Variants in NCAM1 observed in about 807,000 individuals in gnomAD.
NCAM1 encodes the protein antigen recognized by monoclonal antibody 5.1H11.
NCAM1 carries 14 observed loss-of-function variants against 109.8 expected under a neutral mutation model. The ratio of observed to expected loss-of-function variants is 0.13; its 90% CI spans 0.08 to 0.20. NCAM1 has a LOEUF of 0.20. NCAM1 is among the 10% of genes least tolerant of loss of function. The pLI is 1.00. For missense variants in NCAM1, 774 were observed against 1,109.9 expected (o/e 0.70, Z 4.30); for synonymous variants, 418 against 442.9 (o/e 0.94, Z 0.70).
intron 1 of NCAM1, among the ~76,000 whole-genome samples, chr11:113,122,611 C>G (rs1565449088): frequency 6.6e-6 from 1 of 152,028 alleles, no homozygotes; most frequent in Non-Finnish European, 1.5e-5. Flanking sequence ...TGTAGAAACC[C>G]CATCTCTACT....
chr11:113,081,347 G>A (rs974697866), intron 1 of NCAM1, among the ~76,000 whole-genome samples: 1 of 152,046 alleles, frequency 6.6e-6, no homozygotes, highest in African/African-American at 2.4e-5. Flanking sequence ...TATGGCGGAC[G>A]GTTCCCCGGT....
rs1591473405 is a variant in NCAM1, at chr11:113,266,682, C to G, written c.2132-3506C>G. On this transcript the variant is annotated intron_variant, in intron 17 of 19. Coordinates refer to ENST00000316851, the MANE Select transcript of NCAM1 (RefSeq NM_181351.5). ...CAGATTCTGAATTGTTAACAAACAC[C>G]CTAGGAATTTGCTACAGGTGGAGAT... Among the ~76,000 whole-genome samples the G allele has an allele frequency of 2.6e-5, 4 of 152,168 alleles. No homozygotes were observed. In the South Asian group the frequency reaches 6.2e-4, roughly 24 times the overall value.
At chr11:113,227,593 T>G (rs1944888759) in intron 9 of NCAM1, among the ~76,000 whole-genome samples, 1 of 152,190 alleles carries the variant, frequency 6.6e-6, no homozygotes, top group Non-Finnish European at 1.5e-5. Flanking sequence ...GAGGCCAGCA[T>G]CATCCTGATA....
intron 17 of NCAM1, chr11:113,264,770 C>G (rs1483809283): frequency 3.0e-6 from 3 of 985,364 alleles, no homozygotes; most frequent in Non-Finnish European, 2.4e-6. Context: ...CAGGGTCAGG[C>G]AGGCCTCAGC....
intron 1 of NCAM1, among the ~76,000 whole-genome samples, chr11:112,983,186 C>G (rs1555069040): frequency 6.6e-6 from 1 of 151,968 alleles, no homozygotes; most frequent in Admixed American, 6.6e-5. Flanking sequence ...CACTCTGTCT[C>G]AGTTTTAATG....
At chr11:113,153,979 T>C (rs1245325100) in intron 1 of NCAM1, among the ~76,000 whole-genome samples, 2 of 152,262 alleles carry the variant, frequency 1.3e-5, no homozygotes, top group African/African-American at 4.8e-5. Flanking sequence ...GCTTCTACCA[T>C]GTGCTTGGAT....
chr11:113,232,121 G>C (rs1189629647), intron 10 of NCAM1, 49 bp from the exon 11 acceptor site: 2 of 1,501,960 alleles, frequency 1.3e-6, no homozygotes, highest in South Asian at 1.3e-5. Flanking sequence ...GGATATGGGG[G>C]CTTCATAATC....
intron 1 of NCAM1, among the ~76,000 whole-genome samples, chr11:113,160,007 T>C (rs1227250353): frequency 6.6e-6 from 1 of 152,110 alleles, no homozygotes; most frequent in Non-Finnish European, 1.5e-5. Context: ...TGTTCATTAC[T>C]GTATGTAGCT....
At chr11:113,231,862 A>G in intron 10 of NCAM1, 67 bp downstream of exon 10, 3 of 1,587,416 alleles carry the variant, frequency 1.9e-6, no homozygotes, top group Non-Finnish European at 2.6e-6. Context: ...GAGAGAGGAA[A>G]ACATCAGCAA....
chr11:113,221,474 T>C, intron 9 of NCAM1, 149 bp downstream of exon 9: 1 of 785,506 alleles, frequency 1.3e-6, no homozygotes, highest in Non-Finnish European at 2.0e-6. Flanking sequence ...TTAGCAATAG[T>C]ATCATTTTAG....
chr11:113,214,415 A>G lies in NCAM1; in HGVS notation c.963A>G (p.Leu321=), dbSNP rs2137019868. 3 of 1,613,938 alleles carry G rather than the reference A, an allele frequency of 1.9e-6. No individual in the cohort carries two copies. The highest frequency in any genetic ancestry group is 1.7e-6 in the Non-Finnish European group (2 of 1,179,816). The change falls in exon 8 of 20, where the codon TTA becomes TTG. Residue 321 remains leucine, a synonymous_variant. Transcript: ENST00000316851. ...TYVENQTAME[L]EEQVTLTCEA... ...TAGAGAACCAGACTGCCATGGAATT[A>G]GAGGAGCAGGTCACTCTTACCTGTG...
chr11:113,081,582 T>G (rs750644894), intron 1 of NCAM1, among the ~76,000 whole-genome samples: 4 of 152,152 alleles, frequency 2.6e-5, no homozygotes, highest in Non-Finnish European at 5.9e-5. Flanking sequence ...TCACCCAGGC[T>G]GGAGTGCAGT....
intron 1 of NCAM1, among the ~76,000 whole-genome samples, chr11:113,166,234 A>C (rs766076876): frequency 3.9e-5 from 6 of 152,206 alleles, no homozygotes; most frequent in Non-Finnish European, 7.3e-5. Flanking sequence ...GCAGGAAGAC[A>C]GTGGAGGGGC....
At chr11:113,043,691 C>T (rs530171278) in intron 1 of NCAM1, among the ~76,000 whole-genome samples, 1 of 152,280 alleles carries the variant, frequency 6.6e-6, no homozygotes, top group South Asian at 2.1e-4. Context: ...TTTAAGAAGT[C>T]TTCTGTTCTC....
At chr11:113,066,376 T>C (rs1298514571) in intron 1 of NCAM1, among the ~76,000 whole-genome samples, 1 of 152,218 alleles carries the variant, frequency 6.6e-6, no homozygotes, top group South Asian at 2.1e-4. Context: ...CTATTTTGCT[T>C]CACTAATTAC....
chr11:113,000,004 G>A (rs1555072126), intron 1 of NCAM1, among the ~76,000 whole-genome samples: 1 of 152,188 alleles, frequency 6.6e-6, no homozygotes, highest in African/African-American at 2.4e-5. Flanking sequence ...TCAAATTAGT[G>A]AAGACTCAGA....
At chr11:113,078,044 A>G (rs1451753491) in intron 1 of NCAM1, among the ~76,000 whole-genome samples, 1 of 152,302 alleles carries the variant, frequency 6.6e-6, no homozygotes, top group South Asian at 2.1e-4. Context: ...TAGAACTGTC[A>G]TAACAATTAG....
intron 1 of NCAM1, among the ~76,000 whole-genome samples, chr11:113,083,784 CT>C (rs1462199240): frequency 6.6e-6 from 1 of 152,118 alleles, no homozygotes; most frequent in Non-Finnish European, 1.5e-5. Context: ...CCCAGGATCA[CT>C]TTTTGAGTAG....
intron 15 of NCAM1, among the ~76,000 whole-genome samples, chr11:113,255,005 G>C (rs1945797831): frequency 6.6e-6 from 1 of 152,212 alleles, no homozygotes; most frequent in Non-Finnish European, 1.5e-5. Flanking sequence ...TCACATGCAA[G>C]TTCATCTTCC....
Sources: allele counts gnomAD v4.1 joint callset (sites outside exome capture counted in the v4.1 genomes callset), GRCh38; gene constraint gnomAD v4.1.1; transcripts MANE v1.5; gene names NCBI Gene and HGNC (gene_info 2026-07-23, HGNC 2026-07-21).